The following ARB2A variants were observed in gnomAD, a reference collection of about 807,000 sequenced individuals.
The protein encoded by ARB2A is ARB2 cotranscriptional regulator A.
chr5:93,859,124 G>A, the ARB2A span, among the ~76,000 whole-genome samples: 1 of 152,102 alleles, frequency 6.6e-6, no homozygotes, highest in African/African-American at 2.4e-5. Context: ...TGTGTTAAAG[G>A]TGGCACTTCA....
At chr5:93,855,229 T>C in the ARB2A span, among the ~76,000 whole-genome samples, 1 of 152,204 alleles carries the variant, frequency 6.6e-6, no homozygotes, top group Admixed American at 6.5e-5. Context: ...TCTCTGGCTC[T>C]TTTGATCTTA....
the ARB2A span, among the ~76,000 whole-genome samples, chr5:93,987,432 A>C: frequency 6.6e-6 from 1 of 152,334 alleles, no homozygotes; most frequent in Admixed American, 6.5e-5. Flanking sequence ...TGAGTGGTCT[A>C]ATTAGAACCA....
the ARB2A span, among the ~76,000 whole-genome samples, chr5:93,903,254 G>C: frequency 4.6e-5 from 7 of 151,950 alleles, no homozygotes; most frequent in Non-Finnish European, 1.0e-4. Flanking sequence ...CCTGTATTTT[G>C]ACTATATACA....
chr5:93,885,037 G>A, the ARB2A span, among the ~76,000 whole-genome samples: 1 of 151,574 alleles, frequency 6.6e-6, no homozygotes, highest in Admixed American at 6.6e-5. Flanking sequence ...AAAGAAAATA[G>A]AGTAAAACAA....
chr5:93,893,926 C>T, the ARB2A span, among the ~76,000 whole-genome samples: 2 of 152,072 alleles, frequency 1.3e-5, no homozygotes, highest in Non-Finnish European at 2.9e-5. Context: ...CAGACATTAC[C>T]ATCAGAGCTA....
At chr5:93,852,706 T>C in the ARB2A span, among the ~76,000 whole-genome samples, 5 of 152,198 alleles carry the variant, frequency 3.3e-5, no homozygotes. Context: ...ATTTATTAAA[T>C]AGGGAATCCT....
the ARB2A span, chr5:94,074,674 A>T: frequency 6.8e-6 from 11 of 1,612,758 alleles, no homozygotes; most frequent in Non-Finnish European, 9.3e-6. Context: ...TTTCTTTTTC[A>T]TCTGGACCTC....
At chr5:93,756,052 G>C in the ARB2A span, among the ~76,000 whole-genome samples, 2 of 152,158 alleles carry the variant, frequency 1.3e-5, no homozygotes, top group African/African-American at 4.8e-5. Context: ...GTGGGAGTGA[G>C]ACCAGCCCTT....
the ARB2A span, among the ~76,000 whole-genome samples, chr5:93,916,154 C>A: frequency 1.3e-5 from 2 of 152,148 alleles, no homozygotes; most frequent in African/African-American, 4.8e-5. Context: ...CAAGTAAGAG[C>A]ATTAAATGTT....
chr5:94,098,588 A>G, the ARB2A span, among the ~76,000 whole-genome samples: 1 of 152,200 alleles, frequency 6.6e-6, no homozygotes, highest in Non-Finnish European at 1.5e-5. Flanking sequence ...GAGAAACAAG[A>G]GCAAATCAAC....
chr5:93,956,200 G>T, the ARB2A span, among the ~76,000 whole-genome samples: 1 of 152,158 alleles, frequency 6.6e-6, no homozygotes, highest in Non-Finnish European at 1.5e-5. Flanking sequence ...TAAAATGCAA[G>T]GATTAGAATA....
chr5:93,666,621 T>C, the ARB2A span, among the ~76,000 whole-genome samples: 1 of 152,134 alleles, frequency 6.6e-6, no homozygotes, highest in East Asian at 1.9e-4. Context: ...CCAAAGGTGA[T>C]TATTATAATG....
At chr5:93,914,953 C>T in the ARB2A span, among the ~76,000 whole-genome samples, 2 of 151,914 alleles carry the variant, frequency 1.3e-5, no homozygotes, top group Non-Finnish European at 2.9e-5. Flanking sequence ...GTGAATGGAA[C>T]GAAATACTAG....
the ARB2A span, among the ~76,000 whole-genome samples, chr5:93,870,443 A>G: frequency 1.3e-5 from 2 of 152,374 alleles, no homozygotes; most frequent in East Asian, 1.9e-4. Context: ...ATAAATGTTA[A>G]TAAACTGCTT....
At chr5:93,896,776 T>C in the ARB2A span, among the ~76,000 whole-genome samples, 4 of 152,164 alleles carry the variant, frequency 2.6e-5, no homozygotes, top group Non-Finnish European at 5.9e-5. Context: ...CAATACAAAA[T>C]GACACGTGAG....
the ARB2A span, among the ~76,000 whole-genome samples, chr5:93,859,222 C>T: frequency 6.6e-6 from 1 of 151,832 alleles, no homozygotes; most frequent in African/African-American, 2.4e-5. Context: ...TGCCTATCCA[C>T]AAAATAAGCA....
chr5:93,787,530 C>A, the ARB2A span, among the ~76,000 whole-genome samples: 6 of 152,094 alleles, frequency 3.9e-5, no homozygotes, highest in Non-Finnish European at 7.4e-5. Flanking sequence ...GTAGGCAAAA[C>A]TTGTTTATTT....
the ARB2A span, among the ~76,000 whole-genome samples, chr5:93,699,373 A>T: frequency 2.2e-4 from 34 of 152,184 alleles, no homozygotes; most frequent in African/African-American, 7.7e-4. Flanking sequence ...TATCAGCATG[A>T]CCTAGAATGT....
At chr5:93,756,828 C>G in the ARB2A span, among the ~76,000 whole-genome samples, 3 of 152,170 alleles carry the variant, frequency 2.0e-5, no homozygotes, top group African/African-American at 4.8e-5. Context: ...CAACACCCCC[C>G]CAAAAAATCA....
Sources: allele counts gnomAD v4.1 joint callset (sites outside exome capture counted in the v4.1 genomes callset), GRCh38; gene constraint gnomAD v4.1.1; transcripts MANE v1.5; gene names NCBI Gene and HGNC (gene_info 2026-07-23, HGNC 2026-07-21).